Variants in VWA3B observed in about 807,000 individuals in gnomAD.
VWA3B encodes von Willebrand factor A domain-containing protein 3B.
In VWA3B, 138 loss-of-function variants were observed where a neutral mutation model predicts 158.3. The observed-to-expected ratio is 0.87, with a 90% CI of 0.76 to 1.00. VWA3B has a LOEUF of 1.00. Among genes scored for constraint, VWA3B ranks in the 50% least tolerant of loss-of-function variants. VWA3B has a pLI of 0.00. For synonymous variants in VWA3B, 596 were observed against 587.3 expected (o/e 1.01, Z -0.21); for missense variants, 1,555 against 1,565.1 (o/e 0.99, Z 0.11).
At chr2:98,157,350 T>A (rs1178725090) in intron 7 of VWA3B, among the ~76,000 whole-genome samples, 1 of 152,234 alleles carries the variant, frequency 6.6e-6, no homozygotes, top group Non-Finnish European at 1.5e-5. Context: ...AGCCCCACAC[T>A]GTGCCTCTGT....
At chr2:98,119,449 C>T in intron 3 of VWA3B, 64 bp from the exon 4 acceptor site, 2 of 1,569,204 alleles carry the variant, frequency 1.3e-6, no homozygotes, top group East Asian at 4.5e-5. Flanking sequence ...TCGGTGGCAG[C>T]ACTGTGGTTC....
intron 19 of VWA3B, among the ~76,000 whole-genome samples, chr2:98,248,216 ATAAT>A (rs1686524325): frequency 6.6e-6 from 1 of 152,178 alleles, no homozygotes; most frequent in African/African-American, 2.4e-5. Context: ...AATTTTAATC[ATAAT>A]TAATTTAAAG....
Position 98,270,876 on chromosome 2 carries a change from C to T in VWA3B, c.3038C>T (p.Pro1013Leu), listed in dbSNP as rs201796667. ...AAKKNYANKA[P>L]GEQQKLQGNP... The stretch of plus-strand genomic sequence containing the variant: ...AAGAAGAATTATGCAAACAAGGCCC[C>T]GGGAGAGGTGGGTGCCCTGGAGGTC... Residue 1013 changes from proline (P) to leucine (L), a missense_variant, in exon 22 of 28, where the codon CCG (proline) becomes CTG (leucine). Transcript: ENST00000477737. 1.8e-4 allele frequency: 285 copies of T among 1,613,754 alleles called. No homozygotes were observed. In the African/African-American group the frequency reaches 2.3e-3, roughly 13 times the overall value.
At chr2:98,244,330 A>G (rs1574180668) in intron 19 of VWA3B, among the ~76,000 whole-genome samples, 1 of 152,204 alleles carries the variant, frequency 6.6e-6, no homozygotes. Flanking sequence ...AACAGTTAAC[A>G]GTAAAAACAA....
At chr2:98,301,141 T>G (rs575284402) in intron 25 of VWA3B, among the ~76,000 whole-genome samples, 2 of 151,990 alleles carry the variant, frequency 1.3e-5, no homozygotes, top group African/African-American at 2.4e-5. Flanking sequence ...ATACAAAAAA[T>G]GAGCCGGGCA....
At chr2:98,222,179 T>G (rs1684567915) in intron 14 of VWA3B, among the ~76,000 whole-genome samples, 2 of 152,258 alleles carry the variant, frequency 1.3e-5, no homozygotes, top group South Asian at 4.1e-4. Flanking sequence ...GGTGGGCTAC[T>G]CATACCCTAT....
At chr2:98,297,648 C>T (rs939592937) in intron 23 of VWA3B, among the ~76,000 whole-genome samples, 2 of 152,100 alleles carry the variant, frequency 1.3e-5, no homozygotes, top group African/African-American at 2.4e-5. Context: ...GGGCTGATGG[C>T]GCAGGATGAA....
At chr2:98,319,455 A>T in the VWA3B span, among the ~76,000 whole-genome samples, 2 of 152,254 alleles carry the variant, frequency 1.3e-5, no homozygotes. Flanking sequence ...TTAAAATTCA[A>T]TGAAAAAACT....
chr2:98,234,505 C>A, intron 16 of VWA3B, 143 bp from the exon 17 acceptor site: 1 of 1,230,690 alleles, frequency 8.1e-7, no homozygotes, highest in Non-Finnish European at 1.1e-6. Flanking sequence ...TGGCAGCATT[C>A]AGTTTGTGGC....
At chr2:98,170,773 AT>A (rs1679518124) in intron 8 of VWA3B, among the ~76,000 whole-genome samples, 1 of 151,734 alleles carries the variant, frequency 6.6e-6, no homozygotes, top group Non-Finnish European at 1.5e-5. Flanking sequence ...TGCCCAACTA[AT>A]TTTTGTATTT....
At chr2:98,183,189 C>CTTTTTTTTTTT (rs1244544813) in intron 9 of VWA3B, among the ~76,000 whole-genome samples, 9 of 124,616 alleles carry the variant, frequency 7.2e-5, no homozygotes, top group African/African-American at 2.8e-4. Context: ...GTACAGCTCC[C>CTTTTTTTTTTT]TTTTTTTTTT....
rs192998882 is a variant in VWA3B at position 98,256,052 on chromosome 2, G to A, written c.2793-72G>A. The A allele has an allele frequency of 4.0e-5, 62 of 1,565,104 alleles. No individual in the cohort carries two copies. In the African/African-American group the frequency reaches 6.4e-4, roughly 16 times the overall value. ...TGCTTAGATGGGCTCCCACTGCGGT[G>A]CCTGGGGTTAACCTTTTGCCATGAA... On this transcript the variant is annotated intron_variant, in intron 20 of 27. Transcript: ENST00000477737.
chr2:98,216,741 G>A, intron 13 of VWA3B: 1 of 475,184 alleles, frequency 2.1e-6, no homozygotes, highest in South Asian at 1.5e-5. Flanking sequence ...AAATATTTGT[G>A]GAATGCCTTC....
At chr2:98,191,358 G>A (rs1428378236) in intron 10 of VWA3B, among the ~76,000 whole-genome samples, 3 of 152,104 alleles carry the variant, frequency 2.0e-5, no homozygotes, top group East Asian at 1.9e-4. Flanking sequence ...GGTTTGGATC[G>A]TATTTTCCTG....
chr2:98,133,759 G>C, intron 6 of VWA3B, 65 bp from the exon 7 acceptor site: 2 of 1,408,944 alleles, frequency 1.4e-6, no homozygotes, highest in Non-Finnish European at 2.0e-6. Context: ...AGTCCCAGGA[G>C]AAGGAACAAG....
intron 9 of VWA3B, among the ~76,000 whole-genome samples, chr2:98,185,954 GTA>G (rs1230574431): frequency 6.6e-6 from 1 of 152,066 alleles, no homozygotes; most frequent in Non-Finnish European, 1.5e-5. Context: ...CAGTCGAGTT[GTA>G]TACGTTTCCT....
chr2:98,212,087 G>T lies in VWA3B; in HGVS notation c.1836+59G>T. On this transcript the variant is annotated intron_variant, in intron 13 of 27. Coordinates refer to ENST00000477737, the MANE Select transcript of VWA3B (RefSeq NM_144992.5). The stretch of plus-strand genomic sequence containing the variant: ...ACTGATGCTCTGAAAGCAAATGCTG[G>T]AAATGGGTCTGGGGGACCTTTTCAG... 1.2e-5 allele frequency: 18 copies of T among 1,517,834 alleles called. 1 individual carries two copies. The South Asian group carries it at 2.0e-4, about 17-fold the overall frequency. 94.0% of individuals were successfully genotyped at this position (1,517,834 alleles called of 1,614,324 possible). A position where few individuals can be genotyped will look rare whatever the true frequency, so the allele number is the denominator to read the frequency against.
intron 19 of VWA3B, 113 bp downstream of exon 19, chr2:98,236,843 G>C (rs1234989246): frequency 7.1e-7 from 1 of 1,413,310 alleles, no homozygotes; most frequent in Non-Finnish European, 9.5e-7. Context: ...AGCCACTGGG[G>C]GAAAAAGTAT....
intron 14 of VWA3B, among the ~76,000 whole-genome samples, chr2:98,221,323 C>T (rs368943580): frequency 7.2e-5 from 11 of 152,150 alleles, no homozygotes; most frequent in South Asian, 2.1e-4. Context: ...CACCCCTGCC[C>T]GAGCCAAATG....
Sources: allele counts gnomAD v4.1 joint callset (sites outside exome capture counted in the v4.1 genomes callset), GRCh38; gene constraint gnomAD v4.1.1; transcripts MANE v1.5; gene names NCBI Gene and HGNC (gene_info 2026-07-23, HGNC 2026-07-21).